KDM4C: variants seen among roughly 807,000 people sequenced by gnomAD.
KDM4C encodes the protein lysine demethylase 4C.
A neutral mutation model predicts 129.3 loss-of-function variants in KDM4C; 81 were observed. The observed-to-expected ratio is 0.63, with a 90% CI of 0.52 to 0.75. The LOEUF is 0.75. Ranked by LOEUF, KDM4C falls within the 30% of genes least tolerant of loss-of-function variation. The pLI is 0.00. For synonymous variants in KDM4C, 573 were observed against 456.1 expected (o/e 1.26, Z -3.26); for missense variants, 1,457 against 1,304.0 (o/e 1.12, Z -1.81).
intron 20 of KDM4C, among the ~76,000 whole-genome samples, chr9:7,166,030 G>A (rs1236616180): frequency 2.0e-5 from 3 of 152,168 alleles, no homozygotes; most frequent in Non-Finnish European, 4.4e-5. Context: ...AAACAACATG[G>A]ATAGCACGTG....
intron 1 of KDM4C, among the ~76,000 whole-genome samples, chr9:6,737,866 G>A (rs1454783750): frequency 1.3e-5 from 2 of 151,960 alleles, no homozygotes; most frequent in Non-Finnish European, 2.9e-5. Flanking sequence ...GCTGGGCAAG[G>A]TGGCTCACAC....
chr9:6,732,850 T>C (rs1817398570), intron 1 of KDM4C, among the ~76,000 whole-genome samples: 1 of 152,106 alleles, frequency 6.6e-6, no homozygotes, highest in Non-Finnish European at 1.5e-5. Flanking sequence ...CTGTTTCTAC[T>C]AAAAATACAA....
intron 4 of KDM4C, among the ~76,000 whole-genome samples, chr9:6,816,755 C>T (rs1043357508): frequency 4.0e-5 from 6 of 151,830 alleles, no homozygotes; most frequent in African/African-American, 1.2e-4. Context: ...TTTTAAGTTG[C>T]ATTATGATTT....
At chr9:7,085,090 G>A (rs1834958281) in intron 17 of KDM4C, among the ~76,000 whole-genome samples, 1 of 152,176 alleles carries the variant, frequency 6.6e-6, no homozygotes, top group Non-Finnish European at 1.5e-5. Context: ...GGGTGTATTC[G>A]AGGACCCTGA....
At chr9:7,079,141 C>T (rs943281918) in intron 17 of KDM4C, among the ~76,000 whole-genome samples, 10 of 152,284 alleles carry the variant, frequency 6.6e-5, no homozygotes, top group Middle Eastern at 3.4e-3. Context: ...GTATGTCTGC[C>T]AGGGGCCAAC....
chr9:7,074,966 A>G (rs958300023), intron 17 of KDM4C, among the ~76,000 whole-genome samples: 31 of 152,192 alleles, frequency 2.0e-4, no homozygotes, highest in African/African-American at 7.5e-4. Context: ...ATACCCAGCG[A>G]ATGGATGATT....
rs11562279 is a variant in KDM4C, at chr9:7,023,408, T to C, written c.2259+7479T>C. 2.4e-3 allele frequency among the ~76,000 whole-genome samples: 372 copies of C among 152,270 alleles called. 8 individuals are homozygous for C. The East Asian group carries it at 0.026, about 11-fold the overall frequency. On this transcript the variant is annotated intron_variant, in intron 15 of 21. Coordinates refer to ENST00000381309, the MANE Select transcript of KDM4C (RefSeq NM_015061.6). ...AGGAATTTACCCATTTGTTTTAGAT[T>C]TTCCTATTTATTGGCATATAGTTGC...
At chr9:7,138,485 C>T (rs535343137) in intron 19 of KDM4C, among the ~76,000 whole-genome samples, 21 of 152,108 alleles carry the variant, frequency 1.4e-4, no homozygotes, top group South Asian at 1.2e-3. Context: ...GATTTTTCCA[C>T]GAGTAATTAA....
intron 1 of KDM4C, among the ~76,000 whole-genome samples, chr9:6,745,546 C>A (rs985729534): frequency 4.9e-5 from 7 of 142,518 alleles, no homozygotes; most frequent in African/African-American, 1.8e-4. Flanking sequence ...GGTGTGATGG[C>A]ACCTCTGCGC....
chr9:6,873,819 CCCT>C (rs1314154426), intron 5 of KDM4C, among the ~76,000 whole-genome samples: 15 of 152,116 alleles, frequency 9.9e-5, no homozygotes, highest in African/African-American at 2.7e-4. Context: ...TTTCAAAATG[CCCT>C]CCTTACTAAG....
chr9:7,148,081 C>T (rs1842382688), intron 19 of KDM4C, among the ~76,000 whole-genome samples: 1 of 152,180 alleles, frequency 6.6e-6, no homozygotes, highest in African/African-American at 2.4e-5. Context: ...GTGGGGTGGG[C>T]AGCTCCAGGT....
chr9:6,754,379 AT>A (rs1563929681), upstream of KDM4C, among the ~76,000 whole-genome samples: 1 of 149,440 alleles, frequency 6.7e-6, no homozygotes, highest in East Asian at 2.0e-4. Context: ...TGCCCAGCTA[AT>A]TTTTGTATTT....
At chr9:6,767,225 G>A (rs186627461) in intron 1 of KDM4C, among the ~76,000 whole-genome samples, 27 of 151,854 alleles carry the variant, frequency 1.8e-4, no homozygotes, top group African/African-American at 4.8e-4. Flanking sequence ...TGCAAGCTCC[G>A]CCTCCTGGGT....
chr9:6,776,058 A>G (rs1205881679), intron 1 of KDM4C, among the ~76,000 whole-genome samples: 1 of 152,232 alleles, frequency 6.6e-6, no homozygotes, highest in Non-Finnish European at 1.5e-5. Context: ...TGCGTTCCGT[A>G]TATCCCATAG....
At chr9:6,886,556 A>G (rs1845301648) in intron 6 of KDM4C, among the ~76,000 whole-genome samples, 1 of 145,990 alleles carries the variant, frequency 6.8e-6, no homozygotes, top group East Asian at 2.0e-4. Context: ...CAGTGGCACG[A>G]TCTTGGCTCA....
At chr9:6,765,645 A>G (rs555715356) in intron 1 of KDM4C, among the ~76,000 whole-genome samples, 2 of 152,324 alleles carry the variant, frequency 1.3e-5, no homozygotes, top group South Asian at 2.1e-4. Context: ...TGACTTTTAC[A>G]TATATGCAAA....
At chr9:7,167,010 A>G (rs1197763581) in intron 20 of KDM4C, among the ~76,000 whole-genome samples, 1 of 152,248 alleles carries the variant, frequency 6.6e-6, no homozygotes, top group Non-Finnish European at 1.5e-5. Flanking sequence ...AAAAATAGAT[A>G]TGACAGATAA....
At chr9:6,760,605 C>G (rs1056378657) in intron 1 of KDM4C, among the ~76,000 whole-genome samples, 1 of 151,848 alleles carries the variant, frequency 6.6e-6, no homozygotes, top group African/African-American at 2.4e-5. Flanking sequence ...AAGTCTCACT[C>G]TGTTGCCCAG....
intron 4 of KDM4C, among the ~76,000 whole-genome samples, chr9:6,823,354 G>A (rs1833355288): frequency 2.6e-5 from 4 of 152,162 alleles, no homozygotes; most frequent in Admixed American, 2.6e-4. Context: ...TACCCATGGA[G>A]CAATTTAGCC....
Sources: gnomAD v4.1 joint callset for allele counts (sites outside exome capture counted in the v4.1 genomes callset) on GRCh38, gnomAD v4.1.1 for gene constraint, MANE v1.5 for transcripts, NCBI Gene and HGNC (gene_info 2026-07-23, HGNC 2026-07-21) for gene names.